Variants in CSNK1G3 observed in about 807,000 individuals in gnomAD.
CSNK1G3 encodes the protein casein kinase I isoform gamma-3.
Under a neutral mutation model 64.3 loss-of-function variants are expected in CSNK1G3, and 23 were observed. That is an observed-to-expected ratio of 0.36 (90% CI 0.26 to 0.51). The LOEUF (loss-of-function observed/expected upper bound fraction) is 0.51. CSNK1G3 is among the 20% of genes least tolerant of loss of function. The pLI is 0.96. For synonymous variants in CSNK1G3, 158 were observed against 162.2 expected (o/e 0.97, Z 0.20); for missense variants, 357 against 510.5 (o/e 0.70, Z 2.90).
At chr5:123,553,036 G>A in intron 2 of CSNK1G3, 71 bp from the exon 3 acceptor site, 1 of 816,950 alleles carries the variant, frequency 1.2e-6, no homozygotes, top group Non-Finnish European at 1.9e-6. Flanking sequence ...CTTTTTTTCA[G>A]AGTACAGTTT....
intron 4 of CSNK1G3, among the ~76,000 whole-genome samples, chr5:123,567,487 TCC>T (rs1381329129): frequency 6.6e-6 from 1 of 152,006 alleles, no homozygotes; most frequent in African/African-American, 2.4e-5. Flanking sequence ...GTGCCTATAA[TCC>T]CAGCTATTTT....
chr5:123,616,669 A>G lies in CSNK1G3; in HGVS notation c.*2273A>G, dbSNP rs1296511695. On this transcript the variant is annotated 3_prime_UTR_variant, in exon 13 of 13. Coordinates refer to ENST00000345990, the Ensembl canonical transcript of CSNK1G3. ...TTATGCTTATTTTCTGTCAACACTA[A>G]TGAAGTCAACATTGCCTGAATGTCT... 5 of 152,726 alleles carry G rather than the reference A, an allele frequency of 3.3e-5. No homozygotes were observed. The East Asian group carries it at 9.6e-4, about 29-fold the overall frequency. 9.5% of individuals were successfully genotyped at this position (152,726 alleles called of 1,614,324 possible). A position where few individuals can be genotyped will look rare whatever the true frequency, so the allele number is the denominator to read the frequency against.
chr5:123,607,985 G>A (rs879692876), intron 12 of CSNK1G3, among the ~76,000 whole-genome samples: 84 of 152,030 alleles, frequency 5.5e-4, no homozygotes, highest in Middle Eastern at 6.8e-3. Flanking sequence ...TTAAGAGATG[G>A]AATCTTGCTG....
chr5:123,518,102 G>C (rs1315176551), intron 1 of CSNK1G3, among the ~76,000 whole-genome samples: 1 of 152,134 alleles, frequency 6.6e-6, no homozygotes, highest in Non-Finnish European at 1.5e-5. Context: ...AGGGTTGAAG[G>C]GGTAAGCCTT....
chr5:123,603,458 A>G (rs1294088644), intron 10 of CSNK1G3, among the ~76,000 whole-genome samples: 1 of 152,138 alleles, frequency 6.6e-6, no homozygotes, highest in South Asian at 2.1e-4. Flanking sequence ...TCTGCGAGAC[A>G]TAGCAGGAAA....
At chr5:123,539,832 T>C (rs542279970) in intron 1 of CSNK1G3, among the ~76,000 whole-genome samples, 9 of 152,300 alleles carry the variant, frequency 5.9e-5, no homozygotes, top group Admixed American at 1.3e-4. Flanking sequence ...AAAATAGATA[T>C]GGAACTTTTG....
chr5:123,583,910 T>G (rs542285126), intron 6 of CSNK1G3, among the ~76,000 whole-genome samples: 1 of 151,916 alleles, frequency 6.6e-6, no homozygotes, highest in Non-Finnish European at 1.5e-5. Context: ...CAAGCTAGTC[T>G]TGAACTCCTG....
At chr5:123,573,893 A>G (rs2150704190) in intron 5 of CSNK1G3, among the ~76,000 whole-genome samples, 1 of 144,778 alleles carries the variant, frequency 6.9e-6, no homozygotes, top group East Asian at 2.0e-4. Flanking sequence ...TTTGTTGTCC[A>G]GGGCGGAGAG....
chr5:123,532,269 A>T (rs1439225475), intron 1 of CSNK1G3, among the ~76,000 whole-genome samples: 1 of 151,860 alleles, frequency 6.6e-6, no homozygotes, highest in Non-Finnish European at 1.5e-5. Flanking sequence ...TTAGTATTAC[A>T]TAGTTTTATT....
In CSNK1G3 at chr5:123,538,270, C is replaced by G. The variant is rs184579551; in HGVS notation, c.-247-7147C>G. On this transcript the variant is annotated intron_variant, in intron 1 of 12. Coordinates refer to ENST00000345990, the Ensembl canonical transcript of CSNK1G3. ...AAACTGTCAACCTTTTTTCCAAAGT[C>G]ATACTATTTTTTACTCCCACCAGCA... is the stretch of plus-strand genomic sequence containing the variant. 7.9e-5 allele frequency among the ~76,000 whole-genome samples: 12 copies of G among 152,214 alleles called. No individual in the cohort carries two copies. The East Asian group carries it at 2.3e-3, about 29-fold the overall frequency.
intron 4 of CSNK1G3, among the ~76,000 whole-genome samples, chr5:123,564,654 TA>T (rs1207720543): frequency 6.6e-6 from 1 of 152,170 alleles, no homozygotes; most frequent in African/African-American, 2.4e-5. Context: ...TAGGTGATGT[TA>T]TTTTTTTAAT....
At chr5:123,525,768 C>T (rs1036568324) in intron 1 of CSNK1G3, among the ~76,000 whole-genome samples, 49 of 151,858 alleles carry the variant, frequency 3.2e-4, no homozygotes, top group South Asian at 8.3e-4. Flanking sequence ...CTGAGGCGGG[C>T]GGATCACGAG....
intron 2 of CSNK1G3, among the ~76,000 whole-genome samples, chr5:123,550,467 AT>A (rs1312887677): frequency 6.6e-6 from 1 of 152,186 alleles, no homozygotes; most frequent in Non-Finnish European, 1.5e-5. Context: ...GAGGCAGGCA[AT>A]GTAGTCTTTA....
At chr5:123,610,100 G>T (rs1328236406) in intron 12 of CSNK1G3, among the ~76,000 whole-genome samples, 1 of 152,106 alleles carries the variant, frequency 6.6e-6, no homozygotes, top group Non-Finnish European at 1.5e-5. Context: ...TGGATAGGGA[G>T]GAAGAAATTG....
exon 2 of CSNK1G3, chr5:123,545,804 A>G (rs779856749): frequency 4.3e-6 from 7 of 1,613,704 alleles, no homozygotes; most frequent in Non-Finnish European, 5.9e-6. Flanking sequence ...GAGTTGGAAA[A>G]AAAATTGGAT....
intron 6 of CSNK1G3, among the ~76,000 whole-genome samples, chr5:123,583,031 G>A (rs1264285230): frequency 2.6e-5 from 4 of 152,116 alleles, no homozygotes; most frequent in East Asian, 1.9e-4. Flanking sequence ...GACTAATACT[G>A]TTCTCTGATA....
intron 12 of CSNK1G3, among the ~76,000 whole-genome samples, chr5:123,606,644 G>GTGAC (rs1217365376): frequency 6.6e-6 from 1 of 152,076 alleles, no homozygotes; most frequent in East Asian, 1.9e-4. Context: ...CCAACTGCTG[G>GTGAC]TGACGTTTCT....
chr5:123,602,733 G>T (rs1455069748), intron 10 of CSNK1G3, among the ~76,000 whole-genome samples: 2 of 152,100 alleles, frequency 1.3e-5, no homozygotes, highest in Non-Finnish European at 2.9e-5. Flanking sequence ...GCCAAACTTG[G>T]CTTAGCAAAC....
intron 10 of CSNK1G3, among the ~76,000 whole-genome samples, chr5:123,593,751 T>A (rs1314068395): frequency 6.6e-6 from 1 of 152,128 alleles, no homozygotes; most frequent in Non-Finnish European, 1.5e-5. Context: ...TGACATACTT[T>A]ATGCCACAGA....
Sources: allele counts gnomAD v4.1 joint callset (sites outside exome capture counted in the v4.1 genomes callset), GRCh38; gene constraint gnomAD v4.1.1; transcripts MANE v1.5; gene names NCBI Gene and HGNC (gene_info 2026-07-23, HGNC 2026-07-21).